The following DLC1 variants were observed in gnomAD, a reference collection of about 807,000 sequenced individuals.
DLC1 encodes DLC1 Rho GTPase activating protein.
In DLC1, 54 loss-of-function variants were observed where a neutral mutation model predicts 140.3. The ratio of observed to expected loss-of-function variants is 0.38; its 90% CI spans 0.31 to 0.48. The LOEUF is 0.48. DLC1 is among the 20% of genes least tolerant of loss of function. The pLI is 0.96. For synonymous variants in DLC1, 986 were observed against 728.1 expected (o/e 1.35, Z -5.70); for missense variants, 2,536 against 1,907.0 (o/e 1.33, Z -6.14).
intron 5 of DLC1, among the ~76,000 whole-genome samples, chr8:13,295,725 A>G (rs939058913): frequency 6.6e-6 from 1 of 152,158 alleles, no homozygotes; most frequent in African/African-American, 2.4e-5. Flanking sequence ...AAGTCGTTTT[A>G]TACTCAGTGA....
At chr8:13,376,889 C>T (rs1287281148) in intron 4 of DLC1, among the ~76,000 whole-genome samples, 1 of 152,130 alleles carries the variant, frequency 6.6e-6, no homozygotes, top group East Asian at 1.9e-4. Context: ...AAATTGGTTA[C>T]TGTGGCTGAT....
In DLC1 at chr8:13,393,492, T is replaced by A. The variant is rs959159045; in HGVS notation, c.1314+61A>T. ...TCTTCTATATCGAATGAATATCAACTCTTACCTGATGATCATCAACATTTA... is the reference window on the plus strand; with the variant it reads ...TCTTCTATATCGAATGAATATCAACACTTACCTGATGATCATCAACATTTA... On this transcript the variant is annotated intron_variant, in intron 4 of 17. Transcript: ENST00000276297. 2.8e-5 allele frequency: 43 copies of A among 1,531,508 alleles called. No homozygotes were observed. In the Admixed American group the frequency reaches 8.1e-4, roughly 29 times the overall value. The allele number at this position is 1,531,508 out of a possible 1,614,324, so 94.9% of individuals were successfully genotyped here.
At chr8:13,427,569 C>G (rs1386882687) in intron 2 of DLC1, among the ~76,000 whole-genome samples, 6 of 152,192 alleles carry the variant, frequency 3.9e-5, no homozygotes, top group African/African-American at 1.4e-4. Flanking sequence ...GCAGTCACCT[C>G]TTCCTCCTCT....
intron 4 of DLC1, among the ~76,000 whole-genome samples, chr8:13,360,215 A>G (rs1835157167): frequency 6.6e-6 from 1 of 152,206 alleles, no homozygotes; most frequent in Admixed American, 6.5e-5. Flanking sequence ...GAATTAAATA[A>G]GGTAATGTAC....
intron 4 of DLC1, among the ~76,000 whole-genome samples, chr8:13,319,111 C>A (rs754583096): frequency 3.3e-5 from 5 of 152,146 alleles, no homozygotes; most frequent in Non-Finnish European, 4.4e-5. Flanking sequence ...AATGGGGATA[C>A]CTTTCATCAG....
chr8:13,417,393 T>C (rs375525350), intron 2 of DLC1, among the ~76,000 whole-genome samples: 5 of 140,220 alleles, frequency 3.6e-5, no homozygotes, highest in South Asian at 4.6e-4. Flanking sequence ...CAGAGTGTGA[T>C]GTTCCCCTTC....
chr8:13,150,826 G>C (rs1214760231), intron 5 of DLC1, among the ~76,000 whole-genome samples: 1 of 152,206 alleles, frequency 6.6e-6, no homozygotes, highest in Non-Finnish European at 1.5e-5. Flanking sequence ...TTCACATCCA[G>C]AAAAATATTT....
At chr8:13,559,571 T>C (rs1804171726) in intron 1 of DLC1, among the ~76,000 whole-genome samples, 1 of 152,194 alleles carries the variant, frequency 6.6e-6, no homozygotes, top group Non-Finnish European at 1.5e-5. Context: ...TATGTAATTA[T>C]AATAATATTC....
chr8:13,406,317 C>A (rs1336539597), intron 2 of DLC1, among the ~76,000 whole-genome samples: 1 of 151,536 alleles, frequency 6.6e-6, no homozygotes, highest in East Asian at 1.9e-4. Flanking sequence ...TGCGCCTGAC[C>A]TTGCCCAGTT....
At chr8:13,525,262 G>A (rs1365586465) in intron 1 of DLC1, among the ~76,000 whole-genome samples, 1 of 152,068 alleles carries the variant, frequency 6.6e-6, no homozygotes, top group Non-Finnish European at 1.5e-5. Context: ...GTAACATTGG[G>A]ATATTGTTAT....
upstream of DLC1, among the ~76,000 whole-genome samples, chr8:13,515,811 C>A (rs1802568476): frequency 6.6e-6 from 1 of 152,164 alleles, no homozygotes; most frequent in Non-Finnish European, 1.5e-5. Context: ...GCAAGTATGG[C>A]TTTAATTAGT....
chr8:13,481,256 C>G (rs1285319112), intron 2 of DLC1, among the ~76,000 whole-genome samples: 1 of 152,102 alleles, frequency 6.6e-6, no homozygotes, highest in Admixed American at 6.5e-5. Context: ...AAAACCCCAT[C>G]TCCTCAAAAA....
chr8:13,490,887 G>A (rs1801202589), intron 2 of DLC1, among the ~76,000 whole-genome samples: 1 of 151,488 alleles, frequency 6.6e-6, no homozygotes. Flanking sequence ...TAGATCAGAG[G>A]CCCCTCATAC....
chr8:13,436,648 C>G (rs917787496), intron 2 of DLC1, among the ~76,000 whole-genome samples: 1 of 152,120 alleles, frequency 6.6e-6, no homozygotes, highest in African/African-American at 2.4e-5. Flanking sequence ...ATGCAGAAAA[C>G]AGACGAACGG....
At chr8:13,514,495 A>G in intron 1 of DLC1, 107 bp downstream of exon 1, 1 of 397,848 alleles carries the variant, frequency 2.5e-6, no homozygotes, top group Non-Finnish European at 4.4e-6. Context: ...GCTTTGCTCT[A>G]AAACCTAGGA....
intron 1 of DLC1, chr8:13,567,526 A>G (rs1172186499): frequency 1.3e-6 from 2 of 1,551,952 alleles, no homozygotes; most frequent in Admixed American, 2.0e-5. Flanking sequence ...AATCTACTTT[A>G]AAAACATGAG....
chr8:13,159,474 T>C (rs867264969), intron 5 of DLC1, among the ~76,000 whole-genome samples: 1 of 152,152 alleles, frequency 6.6e-6, no homozygotes, highest in African/African-American at 2.4e-5. Flanking sequence ...GAGGACTTAG[T>C]GGGCTCTCCG....
At position 13,593,448 on chromosome 8, in the gene DLC1, T is replaced by G. The variant is rs1805585833; in HGVS notation, c.-126+11089A>C. 2.0e-5 allele frequency among the ~76,000 whole-genome samples: 3 copies of G among 152,278 alleles called. No homozygotes were observed. In the South Asian group the frequency reaches 6.2e-4, roughly 32 times the overall value. Reference sequence around the variant, plus strand: ...GGTGAAATGTTGAGTGGACGTTATATGTGTTACTTCTAGATGAAATCTTAA... The same window carrying G: ...GGTGAAATGTTGAGTGGACGTTATAGGTGTTACTTCTAGATGAAATCTTAA... On this transcript the variant is annotated intron_variant, in intron 1 of 1. Coordinates refer to the DLC1 transcript ENST00000631382.
At chr8:13,107,508 C>T (rs1406582562) in intron 7 of DLC1, among the ~76,000 whole-genome samples, 1 of 152,158 alleles carries the variant, frequency 6.6e-6, no homozygotes, top group Non-Finnish European at 1.5e-5. Context: ...ATCAACTGTT[C>T]AGAAAATATC....
Sources: allele counts gnomAD v4.1 joint callset (sites outside exome capture counted in the v4.1 genomes callset), GRCh38; gene constraint gnomAD v4.1.1; transcripts MANE v1.5; gene names NCBI Gene and HGNC (gene_info 2026-07-23, HGNC 2026-07-21).